SYNCRIP: variants seen among roughly 807,000 people sequenced by gnomAD.
SYNCRIP encodes synaptotagmin binding cytoplasmic RNA interacting protein.
SYNCRIP carries 9 observed loss-of-function variants against 68.9 expected under a neutral mutation model. The observed-to-expected ratio is 0.13, with a 90% CI of 0.08 to 0.23. SYNCRIP has a LOEUF of 0.23. Ranked by LOEUF, SYNCRIP falls within the 10% of genes least tolerant of loss-of-function variation. The pLI is 1.00. For missense variants in SYNCRIP, 414 were observed against 770.6 expected (o/e 0.54, Z 5.48); for synonymous variants, 258 against 254.0 (o/e 1.02, Z -0.15).
At chr6:85,622,014 T>G (rs924118953) in intron 8 of SYNCRIP, among the ~76,000 whole-genome samples, 1 of 148,838 alleles carries the variant, frequency 6.7e-6, no homozygotes, top group African/African-American at 2.6e-5. Context: ...GTATTTCCAG[T>G]GCGCACTGCC....
At position 85,614,461 on chromosome 6, in the gene SYNCRIP, T is replaced by C. The variant is rs575581869; in HGVS notation, c.*295A>G. ...CCAAATCTAAACACTACTGGAAACA[T>C]CGTTGACACTACAGCCAAATGGACT... On this transcript the variant is annotated 3_prime_UTR_variant, in exon 11 of 11. Coordinates refer to ENST00000369622, the MANE Select transcript of SYNCRIP (RefSeq NM_006372.5). 9.1e-7 allele frequency: 1 copy of C among 1,099,118 alleles called. No homozygotes were observed. The highest frequency in any genetic ancestry group is 1.6e-5 in the African/African-American group (1 of 60,908). 68.1% of individuals were successfully genotyped at this position (1,099,118 alleles called of 1,614,324 possible).
intron 6 of SYNCRIP, 40 bp downstream of exon 6, chr6:85,636,927 A>C (rs779286126): frequency 6.5e-7 from 1 of 1,547,808 alleles, no homozygotes; most frequent in Admixed American, 2.1e-5. Flanking sequence ...TATTAAAGAC[A>C]GTGAACGTGA....
chr6:85,608,188 A>G (rs1260249752), downstream of SYNCRIP: 1 of 152,024 alleles, frequency 6.6e-6, no homozygotes, highest in Non-Finnish European at 1.5e-5. Context: ...ATTTTTCACC[A>G]TTGGCTAGTT....
Position 85,614,632 on chromosome 6 carries a change from G to T in SYNCRIP, c.*124C>A. On this transcript the variant is annotated 3_prime_UTR_variant, in exon 11 of 11. Transcript: ENST00000369622. ...GGCTTTGTTCGTGTCCAAGCGGATTGTTAAAATATATACATAAAGGGAAAT... is the reference window on the plus strand; with the variant it reads ...GGCTTTGTTCGTGTCCAAGCGGATTTTTAAAATATATACATAAAGGGAAAT... 1 of 1,372,794 alleles carries T rather than the reference G, an allele frequency of 7.3e-7. No homozygotes were observed. Among genetic ancestry groups the T allele is most frequent in the Non-Finnish European group, 9.4e-7 (1 of 1,062,202 alleles). 85.0% of individuals were successfully genotyped at this position (1,372,794 alleles called of 1,614,324 possible). A position where few individuals can be genotyped will look rare whatever the true frequency, so the allele number is the denominator to read the frequency against.
chr6:85,636,904 GA>G, intron 6 of SYNCRIP, 62 bp downstream of exon 6: 3 of 1,496,898 alleles, frequency 2.0e-6, no homozygotes, highest in East Asian at 2.3e-5. Flanking sequence ...GGCACACTAA[GA>G]AAAAAACTTG....
In SYNCRIP at chr6:85,635,774, C is replaced by CAAAAAAAA. The variant is rs58599854; in HGVS notation, c.666+1185_666+1192dup. Among the ~76,000 whole-genome samples, 251 of 78,840 alleles carry CAAAAAAAA rather than the reference C, an allele frequency of 3.2e-3. 3 individuals are homozygous for CAAAAAAAA. Among genetic ancestry groups the CAAAAAAAA allele is most frequent in the African/African-American group, 9.8e-3 (206 of 21,060 alleles). The allele number at this position is 78,840 out of a possible 152,430, so 51.7% of individuals were successfully genotyped here. A position where few individuals can be genotyped will look rare whatever the true frequency, so the allele number is the denominator to read the frequency against. ...GGTGACAGAGTGAGATTCTATCTCC[C>CAAAAAAAA]AAAAAAAAAAAAAAAAAAAAAAAGA... On this transcript the variant is annotated intron_variant, in intron 6 of 10. Transcript: ENST00000369622.
intron 10 of SYNCRIP, among the ~76,000 whole-genome samples, chr6:85,615,959 T>G (rs1387542425): frequency 4.6e-5 from 7 of 152,236 alleles, no homozygotes; most frequent in Non-Finnish European, 4.4e-5. Flanking sequence ...TAAATTAGCA[T>G]AAAGACCTTA....
At position 85,614,227 on chromosome 6, in the gene SYNCRIP, GA is replaced by G; in HGVS notation, c.*528del. The G allele has an allele frequency of 2.0e-6, 2 of 985,648 alleles. No individual in the cohort carries two copies. The highest frequency in any genetic ancestry group is 2.4e-6 in the Non-Finnish European group (2 of 829,784). The allele number at this position is 985,648 out of a possible 1,614,324, so 61.1% of individuals were successfully genotyped here. The stretch of plus-strand genomic sequence containing the variant: ...TTTTAGTAAGTATACATTTAGGTGT[GA>G]ATTTTTTATTGAAATAAACAACAGC... On this transcript the variant is annotated 3_prime_UTR_variant, in exon 11 of 11. Transcript: ENST00000369622.
Position 85,618,787 on chromosome 6 carries a change from T to C in SYNCRIP, c.1280+31A>G, listed in dbSNP as rs182494236. Reference sequence around the variant, plus strand: ...ATTAGTGTATAAATATTAAAATTTATACAATTTTTAAGTATACAAATTTCA... The same window carrying C: ...ATTAGTGTATAAATATTAAAATTTACACAATTTTTAAGTATACAAATTTCA... On this transcript the variant is annotated intron_variant, in intron 10 of 10. Coordinates refer to ENST00000369622, the MANE Select transcript of SYNCRIP (RefSeq NM_006372.5). 3.9e-4 allele frequency: 597 copies of C among 1,529,232 alleles called. 4 individuals carry two copies. In the Middle Eastern group the frequency reaches 5.6e-3, roughly 14 times the overall value. The allele number at this position is 1,529,232 out of a possible 1,614,324, so 94.7% of individuals were successfully genotyped here.
At chr6:85,639,671 A>C (rs1206589029) in intron 4 of SYNCRIP, among the ~76,000 whole-genome samples, 1 of 152,190 alleles carries the variant, frequency 6.6e-6, no homozygotes, top group Non-Finnish European at 1.5e-5. Flanking sequence ...ATCAAAACCA[A>C]GCTGAATTTG....
chr6:85,643,243 A>ACTCCCTCC (rs1320576005), upstream of SYNCRIP: 41 of 131,474 alleles, frequency 3.1e-4, no homozygotes, highest in African/African-American at 1.2e-3. Flanking sequence ...ACGCTCCCTC[A>ACTCCCTCC]CTCCCTCCCT....
intron 6 of SYNCRIP, among the ~76,000 whole-genome samples, chr6:85,636,159 T>G (rs1295137281): frequency 6.6e-6 from 1 of 152,128 alleles, no homozygotes; most frequent in Non-Finnish European, 1.5e-5. Context: ...TAAAATTTCT[T>G]TCTAGCCAGG....
intron 6 of SYNCRIP, among the ~76,000 whole-genome samples, chr6:85,635,812 A>G (rs568487479): frequency 6.9e-6 from 1 of 145,948 alleles, no homozygotes; most frequent in Admixed American, 6.8e-5. Flanking sequence ...AGGAAGACTT[A>G]TGAGTTTTAT....
Position 85,641,389 on chromosome 6 carries a change from A to T in SYNCRIP, c.51T>A (p.Thr17=). Residue 17 remains threonine, a synonymous_variant, in exon 2 of 11, where the codon ACT becomes ACA. Transcript: ENST00000369622. Reference sequence around the variant, plus strand: ...TTTCTGAATGGATAACTGCAGAAGTAGTATCCATGGGCTCTTCAGTACCAT... The same window carrying T: ...TTTCTGAATGGATAACTGCAGAAGTTGTATCCATGGGCTCTTCAGTACCAT... ...NGNGTEEPMD[T]TSAVIHSENF... 1 of 1,613,122 alleles carries T rather than the reference A, an allele frequency of 6.2e-7. No individual in the cohort carries two copies. Among genetic ancestry groups the T allele is most frequent in the Middle Eastern group, 1.7e-4 (1 of 5,752 alleles).
chr6:85,627,355 A>G (rs1221560201), intron 6 of SYNCRIP, among the ~76,000 whole-genome samples: 2 of 152,252 alleles, frequency 1.3e-5, no homozygotes, highest in Non-Finnish European at 2.9e-5. Flanking sequence ...TAAGTCATTA[A>G]GCGAACAAAG....
chr6:85,617,936 C>T (rs1032440358), intron 10 of SYNCRIP, among the ~76,000 whole-genome samples: 1 of 152,190 alleles, frequency 6.6e-6, no homozygotes, highest in Non-Finnish European at 1.5e-5. Context: ...TAAGCAGATA[C>T]CTATTTACAG....
chr6:85,631,818 T>C (rs895883519), intron 6 of SYNCRIP, among the ~76,000 whole-genome samples: 1 of 152,208 alleles, frequency 6.6e-6, no homozygotes, highest in African/African-American at 2.4e-5. Flanking sequence ...TTTAGCTGTA[T>C]GGCCTCAGGC....
At chr6:85,638,933 G>A (rs1808798380) in intron 4 of SYNCRIP, among the ~76,000 whole-genome samples, 2 of 152,314 alleles carry the variant, frequency 1.3e-5, no homozygotes, top group East Asian at 1.9e-4. Context: ...TAAGCAGCCA[G>A]GCATGGTGGC....
intron 4 of SYNCRIP, among the ~76,000 whole-genome samples, chr6:85,638,161 C>G (rs1562111971): frequency 6.6e-6 from 1 of 152,018 alleles, no homozygotes; most frequent in South Asian, 2.1e-4. Flanking sequence ...ATCAGGACAT[C>G]AGGAGCTCAA....
Sources: gnomAD v4.1 joint callset for allele counts (sites outside exome capture counted in the v4.1 genomes callset) on GRCh38, gnomAD v4.1.1 for gene constraint, MANE v1.5 for transcripts, NCBI Gene and HGNC (gene_info 2026-07-23, HGNC 2026-07-21) for gene names.